The following MYO1D variants were observed in gnomAD, a reference collection of about 807,000 sequenced individuals.
The protein encoded by MYO1D is myosin ID.
Under a neutral mutation model 122.0 loss-of-function variants are expected in MYO1D, and 83 were observed. The ratio of observed to expected loss-of-function variants is 0.68; its 90% CI spans 0.57 to 0.82. The LOEUF (loss-of-function observed/expected upper bound fraction) is 0.82. Ranked by LOEUF, MYO1D falls within the 40% of genes least tolerant of loss-of-function variation. The probability of loss-of-function intolerance (pLI) is 0.00; values close to 1 mark genes in which losing one functional copy is unlikely to be tolerated. For synonymous variants in MYO1D, 464 were observed against 446.9 expected, an observed-to-expected ratio of 1.04 and a Z score of -0.48; for missense variants, 1,157 against 1,269.5, an observed-to-expected ratio of 0.91 and a Z score of 1.35.
intron 19 of MYO1D, among the ~76,000 whole-genome samples, chr17:32,640,075 T>C (rs779518776): frequency 1.7e-4 from 26 of 152,192 alleles, no homozygotes; most frequent in Admixed American, 1.1e-3. Flanking sequence ...CTTTGCCCCA[T>C]AGTTTTAGAA....
intron 21 of MYO1D, among the ~76,000 whole-genome samples, chr17:32,588,685 T>C (rs1181567778): frequency 1.3e-5 from 2 of 152,144 alleles, no homozygotes; most frequent in South Asian, 2.1e-4. Flanking sequence ...GCATGGTGGC[T>C]CAGCCTGTAA....
chr17:32,580,486 T>C (rs559838739), intron 21 of MYO1D, among the ~76,000 whole-genome samples: 23 of 147,848 alleles, frequency 1.6e-4, no homozygotes, highest in Non-Finnish European at 2.5e-4. Flanking sequence ...CTCAGCTCAC[T>C]GCAACCTCTG....
At chr17:32,869,635 G>T (rs2091161160) in intron 1 of MYO1D, among the ~76,000 whole-genome samples, 1 of 152,158 alleles carries the variant, frequency 6.6e-6, no homozygotes, top group Non-Finnish European at 1.5e-5. Context: ...GAATGTCAAC[G>T]AACAGCTCTC....
intron 3 of MYO1D, among the ~76,000 whole-genome samples, chr17:32,777,191 T>G (rs1460947570): frequency 1.3e-5 from 2 of 152,150 alleles, no homozygotes; most frequent in African/African-American, 4.8e-5. Context: ...CTTGTCAAAC[T>G]AGATTGTAAA....
chr17:32,515,213 G>A (rs1033537014), intron 21 of MYO1D, among the ~76,000 whole-genome samples: 7 of 152,168 alleles, frequency 4.6e-5, no homozygotes, highest in African/African-American at 1.4e-4. Flanking sequence ...CCCTGACCAC[G>A]GATATTCCCC....
rs1403173082 is a variant in MYO1D at position 32,492,696 on chromosome 17, A to T, written c.*2063T>A. ...TTTACTGGAAAATAGGAGTTTTTGC[A>T]CCAAACCATAAAATTGCATTTCATT... On this transcript the variant is annotated 3_prime_UTR_variant, in exon 22 of 22. Transcript: ENST00000318217. The T allele has an allele frequency of 2.0e-5, 3 of 152,724 alleles. No individual in the cohort carries two copies. In the East Asian group the frequency reaches 5.8e-4, roughly 29 times the overall value. The allele number at this position is 152,724 out of a possible 1,614,324, so 9.5% of individuals were successfully genotyped here. A position where few individuals can be genotyped will look rare whatever the true frequency, so the allele number is the denominator to read the frequency against.
In MYO1D at chr17:32,697,642, T is replaced by TAA. The variant is rs36067017; in HGVS notation, c.2121+14344_2121+14345dup. On this transcript the variant is annotated intron_variant, in intron 16 of 21. Transcript: ENST00000318217. ...TTCTCCTGGAGCATGTATTTTCAGT[T>TAA]AAAAAAAAAAAAAAGTCATCGATCA... Among the ~76,000 whole-genome samples, 133 of 143,926 alleles carry TAA rather than the reference T, an allele frequency of 9.2e-4. 1 individual carries two copies. The highest frequency in any genetic ancestry group is 3.1e-3 in the African/African-American group (123 of 39,244). 94.4% of individuals were successfully genotyped at this position (143,926 alleles called of 152,430 possible). A position where few individuals can be genotyped will look rare whatever the true frequency, so the allele number is the denominator to read the frequency against.
At position 32,772,822 on chromosome 17, in the gene MYO1D, C is replaced by T; in HGVS notation, c.585G>A (p.Gln195=). The T allele has an allele frequency of 6.2e-7, 1 of 1,613,656 alleles. No homozygotes were observed. Among genetic ancestry groups the T allele is most frequent in the South Asian group, 1.1e-5 (1 of 91,074 alleles). ...LLEKSRVIVQ[Q]PGERSFHSFY... is the part of the protein sequence containing the mutation. ...AAGAATGAAAGCTTCTTTCTCCTGGCTGTTGCACAATCACTCGAGACTAAG... is the reference window on the plus strand; with the variant it reads ...AAGAATGAAAGCTTCTTTCTCCTGGTTGTTGCACAATCACTCGAGACTAAG... The change falls in exon 5 of 22, where the codon CAG becomes CAA. Residue 195 remains glutamine, a synonymous_variant. Coordinates refer to ENST00000318217, the MANE Select transcript of MYO1D (RefSeq NM_015194.3).
chr17:32,818,590 C>T (rs2090634072), intron 1 of MYO1D, among the ~76,000 whole-genome samples: 1 of 152,270 alleles, frequency 6.6e-6, no homozygotes. Context: ...AAGCCTCACT[C>T]TTCTCTAGCC....
At chr17:32,514,613 G>T (rs1909822587) in intron 21 of MYO1D, among the ~76,000 whole-genome samples, 1 of 152,174 alleles carries the variant, frequency 6.6e-6, no homozygotes, top group Non-Finnish European at 1.5e-5. Flanking sequence ...TAAAAATTTG[G>T]AAACTAGTCA....
intron 1 of MYO1D, among the ~76,000 whole-genome samples, chr17:32,817,524 C>T (rs557058630): frequency 1.3e-5 from 2 of 152,276 alleles, no homozygotes; most frequent in East Asian, 3.9e-4. Context: ...ACAGGAGTTA[C>T]CATTTTCAAG....
intron 1 of MYO1D, among the ~76,000 whole-genome samples, chr17:32,816,699 T>G (rs1056906047): frequency 6.6e-6 from 1 of 152,220 alleles, no homozygotes; most frequent in African/African-American, 2.4e-5. Context: ...TACTTCATTG[T>G]TTTTATATTA....
chr17:32,799,934 T>C (rs2090447023), intron 1 of MYO1D, among the ~76,000 whole-genome samples: 2 of 152,102 alleles, frequency 1.3e-5, no homozygotes, highest in Non-Finnish European at 2.9e-5. Context: ...CCAATACATA[T>C]GAAAAACTGC....
chr17:32,512,893 C>T (rs1158409713), intron 21 of MYO1D: 1 of 152,284 alleles, frequency 6.6e-6, no homozygotes, highest in Non-Finnish European at 1.5e-5. Context: ...GAGGACTTGA[C>T]AATGAGTTCA....
At chr17:32,843,494 G>T (rs1332401944) in intron 1 of MYO1D, among the ~76,000 whole-genome samples, 1 of 152,174 alleles carries the variant, frequency 6.6e-6, no homozygotes, top group African/African-American at 2.4e-5. Flanking sequence ...GCATAATACT[G>T]ACTACTAGCC....
At chr17:32,536,303 G>A (rs1202564174) in intron 21 of MYO1D, among the ~76,000 whole-genome samples, 1 of 151,842 alleles carries the variant, frequency 6.6e-6, no homozygotes, top group Admixed American at 6.6e-5. Context: ...CCAAAGTGCT[G>A]GGATTGCAGG....
intron 1 of MYO1D, among the ~76,000 whole-genome samples, chr17:32,804,222 T>C (rs2151045395): frequency 6.6e-6 from 1 of 152,314 alleles, no homozygotes; most frequent in African/African-American, 2.4e-5. Context: ...ACAGTTGTTA[T>C]ACTATATTTT....
intron 21 of MYO1D, among the ~76,000 whole-genome samples, chr17:32,604,773 G>A (rs1199865665): frequency 6.6e-6 from 1 of 152,208 alleles, no homozygotes; most frequent in Non-Finnish European, 1.5e-5. Context: ...AAGCTATGAC[G>A]AGAAGAATAT....
intron 16 of MYO1D, 45 bp from the exon 17 acceptor site, chr17:32,659,383 A>C (rs1267847713): frequency 6.3e-7 from 1 of 1,584,880 alleles, no homozygotes. Context: ...TGACCGGCTG[A>C]GTTGTGGATG....
Sources: gnomAD v4.1 joint callset for allele counts (sites outside exome capture counted in the v4.1 genomes callset) on GRCh38, gnomAD v4.1.1 for gene constraint, MANE v1.5 for transcripts, NCBI Gene and HGNC (gene_info 2026-07-23, HGNC 2026-07-21) for gene names.